LAMC3: variants seen among roughly 807,000 people sequenced by gnomAD.
LAMC3 encodes laminin subunit gamma 3.
Under a neutral mutation model 173.8 loss-of-function variants are expected in LAMC3, and 128 were observed. The ratio of observed to expected loss-of-function variants is 0.74; its 90% confidence interval spans 0.64 to 0.85. The LOEUF is 0.85. Among genes scored for constraint, LAMC3 ranks in the 40% least tolerant of loss-of-function variants. The pLI, the probability that LAMC3 is intolerant of heterozygous loss-of-function variation, is 0.00. For synonymous variants in LAMC3, 897 were observed against 909.1 expected, an observed-to-expected ratio of 0.99 and a Z score of 0.24; for missense variants, 2,022 against 2,156.0, an observed-to-expected ratio of 0.94 and a Z score of 1.23.
chr9:131,067,181 C>T lies in LAMC3; in HGVS notation c.2569C>T (p.Pro857Ser), dbSNP rs369827501. 18 of 1,613,938 alleles carry T rather than the reference C, an allele frequency of 1.1e-5. No individual in the cohort carries two copies. The highest frequency in any genetic ancestry group is 6.7e-5 in the East Asian group (3 of 44,886). ...AGGCTTCTACGGGAGCGCCCTGGCCCCTCGACCCGCAGACAAATGCATGCG... is the reference window on the plus strand; with the variant it reads ...AGGCTTCTACGGGAGCGCCCTGGCCTCTCGACCCGCAGACAAATGCATGCG... ...QEGFYGSALA[P>S]RPADKCMPCS... is the part of the protein sequence containing the mutation. Residue 857 changes from proline to serine, a missense_variant, in exon 14 of 28, where the codon CCT becomes TCT. Pro to Ser is a moderately conservative substitution (Grantham distance 74). Transcript: ENST00000361069.
chr9:131,019,564 T>A (rs1229859124), intron 1 of LAMC3, among the ~76,000 whole-genome samples: 1 of 152,194 alleles, frequency 6.6e-6, no homozygotes, highest in African/African-American at 2.4e-5. Context: ...TAGCCAGCAT[T>A]TAGTGAGCAC....
chr9:131,057,163 C>G lies in LAMC3; in HGVS notation c.2158+16C>G. On this transcript the variant is annotated intron_variant, in intron 12 of 27. Coordinates refer to ENST00000361069, the MANE Select transcript of LAMC3 (RefSeq NM_006059.4). ...CCCAACACAGGTGAGTCTCCTGGCACCCCATCCGAAGGCACCTGGGTTATA... is the reference window on the plus strand; with the variant it reads ...CCCAACACAGGTGAGTCTCCTGGCAGCCCATCCGAAGGCACCTGGGTTATA... 1.2e-6 allele frequency: 2 copies of G among 1,608,706 alleles called. No individual in the cohort carries two copies. The highest frequency in any genetic ancestry group is 1.7e-6 in the Non-Finnish European group (2 of 1,175,402).
Position 131,067,078 on chromosome 9 carries a change from C to T in LAMC3, c.2466C>T (p.Gly822=). Residue 822 remains glycine (G), a synonymous_variant, in exon 14 of 28, where the codon GGC becomes GGT. Transcript: ENST00000361069. ...CSGNVDPNAV[G]NCDPLSGHCL... is the part of the protein sequence containing the mutation. The stretch of plus-strand genomic sequence containing the variant: ...GGAACGTGGACCCCAATGCCGTGGG[C>T]AACTGTGACCCCCTGTCTGGCCACT... The T allele has an allele frequency of 6.2e-7, 1 of 1,614,168 alleles. No individual in the cohort carries two copies. Among genetic ancestry groups the T allele is most frequent in the Non-Finnish European group, 8.5e-7 (1 of 1,180,034 alleles).
At chr9:131,067,442 G>A (rs993923525) in intron 14 of LAMC3, among the ~76,000 whole-genome samples, 1 of 152,144 alleles carries the variant, frequency 6.6e-6, no homozygotes, top group South Asian at 2.1e-4. Flanking sequence ...CTGATCCGAA[G>A]CCTGGATTGT....
intron 27 of LAMC3, 151 bp from the exon 28 acceptor site, chr9:131,091,386 C>T (rs1372597036): frequency 9.2e-7 from 1 of 1,082,744 alleles, no homozygotes; most frequent in Admixed American, 2.0e-5. Context: ...CACCCACCTC[C>T]CAGCCCTTCT....
At chr9:131,078,812 G>A (rs1022398207) in intron 22 of LAMC3, among the ~76,000 whole-genome samples, 1 of 152,220 alleles carries the variant, frequency 6.6e-6, no homozygotes, top group African/African-American at 2.4e-5. Context: ...TGTGGGTCAG[G>A]GAGGTTAGCT....
At chr9:131,078,602 TGCGGA>T (rs2133338488) in intron 22 of LAMC3, among the ~76,000 whole-genome samples, 1 of 152,344 alleles carries the variant, frequency 6.6e-6, no homozygotes, top group Non-Finnish European at 1.5e-5. Context: ...TCCCACTGCG[TGCGGA>T]GAGTAATGCA....
chr9:131,039,752 A>AG (rs2133256507), intron 6 of LAMC3, among the ~76,000 whole-genome samples: 1 of 151,878 alleles, frequency 6.6e-6, no homozygotes, highest in Non-Finnish European at 1.5e-5. Context: ...TGGAAGAGGA[A>AG]GAAGAGGTGG....
At chr9:131,052,302 T>C (rs1329247750) in intron 9 of LAMC3, among the ~76,000 whole-genome samples, 189 bp from the exon 10 acceptor site, 1 of 152,176 alleles carries the variant, frequency 6.6e-6, no homozygotes, top group African/African-American at 2.4e-5. Flanking sequence ...AAGCCAAGTG[T>C]GGGGGCGTGT....
At chr9:131,032,555 T>TCC (rs1833851617) in intron 3 of LAMC3, among the ~76,000 whole-genome samples, 1 of 123,612 alleles carries the variant, frequency 8.1e-6, no homozygotes, top group African/African-American at 5.0e-5. Flanking sequence ...TTGCTCTCTC[T>TCC]CGCTCTCTCT....
At chr9:131,072,119 C>T (rs1427966848) in intron 18 of LAMC3, among the ~76,000 whole-genome samples, 1 of 127,252 alleles carries the variant, frequency 7.9e-6, no homozygotes, top group African/African-American at 3.1e-5. Context: ...CACAGCAAGA[C>T]CTTGTTTCTA....
intron 27 of LAMC3, 41 bp from the exon 28 acceptor site, chr9:131,091,496 G>T: frequency 6.4e-7 from 1 of 1,557,362 alleles, no homozygotes; most frequent in South Asian, 1.2e-5. Context: ...GGGCCTGCAG[G>T]GCTGCTGGCT....
intron 8 of LAMC3, 26 bp from the exon 9 acceptor site, chr9:131,048,994 G>A (rs1030746894): frequency 1.5e-5 from 21 of 1,445,952 alleles, no homozygotes; most frequent in Admixed American, 1.2e-4. Context: ...CACACTGATC[G>A]GGGGGTGTCT....
Position 131,085,651 on chromosome 9 carries a change from C to G in LAMC3, c.4158C>G (p.Asn1386Lys), listed in dbSNP as rs370616030. Residue 1386 changes from asparagine (N) to lysine (K), a missense_variant, in exon 25 of 28, where the codon AAC (asparagine) becomes AAG (lysine). Coordinates refer to ENST00000361069, the MANE Select transcript of LAMC3 (RefSeq NM_006059.4). ...AGCAGGCGGAGAGGATGCTGGGAAACGCGGCCCCTCTTTCCTCCAGTGCCA... is the reference window on the plus strand; with the variant it reads ...AGCAGGCGGAGAGGATGCTGGGAAAGGCGGCCCCTCTTTCCTCCAGTGCCA... ...KTKQAERMLG[N>K]AAPLSSSAKK... The G allele has an allele frequency of 6.2e-7, 1 of 1,614,166 alleles. No homozygotes were observed. Among genetic ancestry groups the G allele is most frequent in the East Asian group, 2.2e-5 (1 of 44,874 alleles).
chr9:131,050,011 T>C (rs979476980), intron 9 of LAMC3, among the ~76,000 whole-genome samples: 1 of 152,164 alleles, frequency 6.6e-6, no homozygotes, highest in African/African-American at 2.4e-5. Flanking sequence ...GGGGAGATGA[T>C]GTCACAGGTG....
At chr9:131,068,724 G>C (rs1829987305) in intron 15 of LAMC3, among the ~76,000 whole-genome samples, 184 bp from the exon 16 acceptor site, 1 of 152,100 alleles carries the variant, frequency 6.6e-6, no homozygotes. Flanking sequence ...TTTTCTCCCT[G>C]AGCATCCTGG....
chr9:131,018,213 C>A (rs1380307827), intron 1 of LAMC3, among the ~76,000 whole-genome samples: 1 of 150,672 alleles, frequency 6.6e-6, no homozygotes, highest in Admixed American at 6.6e-5. Flanking sequence ...CGGCTCACTG[C>A]AACCTCTGCC....
intron 12 of LAMC3, among the ~76,000 whole-genome samples, chr9:131,060,190 G>A (rs1829780970): frequency 6.6e-6 from 1 of 152,178 alleles, no homozygotes. Flanking sequence ...ATAAAGGGGA[G>A]CCTCTTTGCA....
intron 6 of LAMC3, 112 bp downstream of exon 6, chr9:131,039,360 C>A: frequency 1.1e-6 from 1 of 900,184 alleles, no homozygotes; most frequent in Non-Finnish European, 1.8e-6. Flanking sequence ...CTGCAGCTAC[C>A]TCGCCCTAAT....
Sources: allele counts gnomAD v4.1 joint callset (sites outside exome capture counted in the v4.1 genomes callset), GRCh38; gene constraint gnomAD v4.1.1; transcripts MANE v1.5; gene names NCBI Gene and HGNC (gene_info 2026-07-23, HGNC 2026-07-21).